The following FOXN3 variants were observed in gnomAD, a reference collection of about 807,000 sequenced individuals.
FOXN3 encodes forkhead box N3, also known as forkhead box protein N3.
Under a neutral mutation model 38.4 loss-of-function variants are expected in FOXN3, and 7 were observed. The ratio of observed to expected loss-of-function variants is 0.18; its 90% CI spans 0.10 to 0.34. The LOEUF (loss-of-function observed/expected upper bound fraction) is 0.34, where lower values mean the gene tolerates loss of function less well. Ranked by LOEUF, FOXN3 falls within the 10% of genes least tolerant of loss-of-function variation. FOXN3 has a pLI of 1.00. For missense variants in FOXN3, 456 were observed against 613.4 expected (o/e 0.74, Z 2.71); for synonymous variants, 230 against 242.2 (o/e 0.95, Z 0.47).
At chr14:89,304,532 A>G (rs1887317744) in intron 3 of FOXN3, among the ~76,000 whole-genome samples, 1 of 152,172 alleles carries the variant, frequency 6.6e-6, no homozygotes, top group Non-Finnish European at 1.5e-5. Flanking sequence ...AAAAATATCT[A>G]AGGGCTGTTT....
upstream of FOXN3, among the ~76,000 whole-genome samples, chr14:89,418,215 C>T (rs763931805): frequency 6.6e-6 from 1 of 152,150 alleles, no homozygotes; most frequent in Non-Finnish European, 1.5e-5. Context: ...AGAGGAGAAG[C>T]CCAGGGCACC....
Position 89,529,212 on chromosome 14 carries a change from A to C in FOXN3, c.-15+89816T>G, listed in dbSNP as rs564869057. Among the ~76,000 whole-genome samples the C allele has an allele frequency of 2.0e-5, 3 of 152,266 alleles. No individual in the cohort carries two copies. In the East Asian group the frequency reaches 5.8e-4, roughly 29 times the overall value. ...TAGGTGGTTCCTTCCTAGTCAAAAA[A>C]CAATTCGTGTTTGTGTGTGTGTCTA... On this transcript the variant is annotated intron_variant, in intron 1 of 6. Transcript: ENST00000345097.
intron 1 of FOXN3, among the ~76,000 whole-genome samples, chr14:89,599,363 T>C (rs1315006956): frequency 6.6e-6 from 1 of 152,210 alleles, no homozygotes; most frequent in African/African-American, 2.4e-5. Flanking sequence ...AGTTCACTCA[T>C]TTAGATTTTA....
At chr14:89,431,488 G>A (rs998987340) in intron 1 of FOXN3, among the ~76,000 whole-genome samples, 3 of 152,160 alleles carry the variant, frequency 2.0e-5, no homozygotes, top group African/African-American at 7.2e-5. Context: ...TGGGATTACA[G>A]GCATGGGCCA....
chr14:89,451,561 TGCA>T (rs907472478), intron 1 of FOXN3, among the ~76,000 whole-genome samples: 6 of 152,174 alleles, frequency 3.9e-5, no homozygotes, highest in African/African-American at 1.4e-4. Flanking sequence ...CTTGTCACCT[TGCA>T]GATGTCAGCT....
intron 3 of FOXN3, among the ~76,000 whole-genome samples, chr14:89,285,671 A>G (rs577465011): frequency 6.6e-6 from 1 of 152,348 alleles, no homozygotes; most frequent in East Asian, 1.9e-4. Context: ...TCACAGAGAC[A>G]GAAAATGGAA....
intron 1 of FOXN3, among the ~76,000 whole-genome samples, chr14:89,534,535 C>T (rs1164128007): frequency 1.3e-5 from 2 of 152,168 alleles, no homozygotes; most frequent in South Asian, 2.1e-4. Context: ...CAACGTCTGC[C>T]GGTGCATGCA....
intron 1 of FOXN3, among the ~76,000 whole-genome samples, chr14:89,593,128 A>C (rs1419644818): frequency 8.0e-6 from 1 of 125,440 alleles, no homozygotes; most frequent in Non-Finnish European, 1.6e-5. Context: ...GAAAGGAAGG[A>C]GGGAAGGAGG....
chr14:89,313,512 C>A lies in FOXN3; in HGVS notation c.681-32498G>T, dbSNP rs565006636. ...GGAGAAGGTTGCAGTGAGCCGAGAT[C>A]ATGGCACTGCATCCAGCCTGGGCAA... On this transcript the variant is annotated intron_variant, in intron 3 of 5. Coordinates refer to ENST00000557258, the MANE Select transcript of FOXN3 (RefSeq NM_005197.4). Among the ~76,000 whole-genome samples the A allele has an allele frequency of 5.3e-5, 8 of 150,876 alleles. No homozygotes were observed. In the South Asian group the frequency reaches 1.3e-3, roughly 24 times the overall value.
At chr14:89,541,410 A>C (rs1273132674) in intron 1 of FOXN3, among the ~76,000 whole-genome samples, 2 of 152,134 alleles carry the variant, frequency 1.3e-5, no homozygotes. Context: ...GCCAAAACCC[A>C]CCAAAACCAA....
intron 2 of FOXN3, among the ~76,000 whole-genome samples, chr14:89,375,368 T>A (rs1240294553): frequency 1.3e-5 from 2 of 152,110 alleles, no homozygotes; most frequent in African/African-American, 4.8e-5. Context: ...ATAACCTAAC[T>A]AAAAAAGCAA....
rs1891565223 is a variant in FOXN3 at position 89,412,351 on chromosome 14, G to A, written c.126C>T (p.Asp42=). Residue 42 remains aspartate (D), a synonymous_variant, in exon 2 of 6, where the codon GAC becomes GAT. Transcript: ENST00000557258. This position sits in a 1 kb window ranked among gnomAD's most constrained non-coding sequence, Gnocchi z 4.7. ...SKALQEDDDL[D]FSLPDIRLEE... is the part of the protein sequence containing the mutation. ...CTAATCGGATGTCAGGCAGAGAAAA[G>A]TCGAGGTCATCGTCTTCCTGAAGGG... is the stretch of plus-strand genomic sequence containing the variant. 1 of 1,614,060 alleles carries A rather than the reference G, an allele frequency of 6.2e-7. No homozygotes were observed.
Position 89,303,672 on chromosome 14 carries a change from C to T in FOXN3, c.681-22658G>A, listed in dbSNP as rs182788650. 2.7e-3 allele frequency among the ~76,000 whole-genome samples: 409 copies of T among 152,268 alleles called. 3 individuals carry two copies. The highest frequency in any genetic ancestry group is 9.6e-3 in the African/African-American group (397 of 41,534). On this transcript the variant is annotated intron_variant, in intron 3 of 5. Coordinates refer to ENST00000557258, the MANE Select transcript of FOXN3 (RefSeq NM_005197.4). ...TGCCATGATGCTTACATAACTACCT[C>T]CCGTTTCCTGCTGTCTCTTGAGTTT...
At chr14:89,508,020 G>C (rs1050424386) in intron 1 of FOXN3, among the ~76,000 whole-genome samples, 3 of 152,216 alleles carry the variant, frequency 2.0e-5, no homozygotes, top group African/African-American at 7.2e-5. Context: ...GAAAACTCCA[G>C]GCTCGGGACC....
At chr14:89,192,432 AT>A (rs1054801549) in intron 4 of FOXN3, among the ~76,000 whole-genome samples, 1 of 143,248 alleles carries the variant, frequency 7.0e-6, no homozygotes, top group African/African-American at 2.5e-5. Context: ...GTAATAGTTT[AT>A]AATACATAAA....
upstream of FOXN3, among the ~76,000 whole-genome samples, chr14:89,420,038 G>A (rs1891859784): frequency 1.3e-5 from 2 of 152,038 alleles, no homozygotes; most frequent in Non-Finnish European, 2.9e-5. Flanking sequence ...GGGGAGGCTG[G>A]GCAGGCACAC....
At chr14:89,539,531 T>C (rs1894756344) in intron 1 of FOXN3, among the ~76,000 whole-genome samples, 1 of 152,198 alleles carries the variant, frequency 6.6e-6, no homozygotes, top group African/African-American at 2.4e-5. Context: ...GTAGGGTCGA[T>C]AACAAAATTT....
At chr14:89,609,208 A>G (rs1230895675) in intron 1 of FOXN3, among the ~76,000 whole-genome samples, 1 of 152,112 alleles carries the variant, frequency 6.6e-6, no homozygotes, top group African/African-American at 2.4e-5. Flanking sequence ...GAAGCCATCA[A>G]GATTCTTTTT....
chr14:89,530,755 G>T (rs925346578), intron 1 of FOXN3, among the ~76,000 whole-genome samples: 1 of 150,874 alleles, frequency 6.6e-6, no homozygotes, highest in African/African-American at 2.4e-5. Flanking sequence ...GATTACAGGC[G>T]CCTACCACCA....
Sources: allele counts gnomAD v4.1 joint callset (sites outside exome capture counted in the v4.1 genomes callset), GRCh38; gene constraint gnomAD v4.1.1; non-coding constraint Gnocchi (gnomAD v3.1); transcripts MANE v1.5; gene names NCBI Gene and HGNC (gene_info 2026-07-23, HGNC 2026-07-21).